The following ACAD9 variants were observed in gnomAD, a reference collection of about 807,000 sequenced individuals.
The protein encoded by ACAD9 is acyl-CoA dehydrogenase family member 9, also known as complex I assembly factor ACAD9, mitochondrial.
Under a neutral mutation model 70.2 loss-of-function variants are expected in ACAD9, and 53 were observed. That is an observed-to-expected ratio of 0.75 (90% CI 0.61 to 0.95). The LOEUF (loss-of-function observed/expected upper bound fraction) is 0.95. Ranked by LOEUF, ACAD9 falls within the 40% of genes least tolerant of loss-of-function variation. The pLI, the probability that ACAD9 is intolerant of heterozygous loss-of-function variation, is 0.00. For missense variants in ACAD9, 777 were observed against 802.8 expected, an observed-to-expected ratio of 0.97 and a Z score of 0.39; for synonymous variants, 313 against 312.1, an observed-to-expected ratio of 1.00 and a Z score of -0.03.
Position 128,902,549 on chromosome 3 carries a change from G to T in ACAD9, c.883-4G>T. The T allele has an allele frequency of 6.2e-7, 1 of 1,614,128 alleles. No individual in the cohort carries two copies. The highest frequency in any genetic ancestry group is 8.5e-7 in the Non-Finnish European group (1 of 1,179,974). On this transcript the variant is annotated splice_region_variant and splice_polypyrimidine_tract_variant and intron_variant, in intron 8 of 17. Coordinates refer to ENST00000308982, the MANE Select transcript of ACAD9 (RefSeq NM_014049.5). The surrounding 1 kb of genome is among the most constrained non-coding windows in gnomAD (Gnocchi z 4.0). ...CCCCTGGGCTCTCCCTGTTCTCCCT[G>T]CAGGTGGCCATGAACATCCTCAACA...
In ACAD9 at chr3:128,912,612, G is replaced by A; in HGVS notation, c.*5G>A. The A allele has an allele frequency of 6.2e-7, 1 of 1,613,226 alleles. No homozygotes were observed. Among genetic ancestry groups the A allele is most frequent in the Non-Finnish European group, 8.5e-7 (1 of 1,179,178 alleles). The stretch of plus-strand genomic sequence containing the variant: ...CCTCTGGACAGGACATGCTGAGGCA[G>A]GGGACAGTGTCCCCTGCTACCGCCC... On this transcript the variant is annotated 3_prime_UTR_variant, in exon 18 of 18. Coordinates refer to ENST00000308982, the MANE Select transcript of ACAD9 (RefSeq NM_014049.5).
chr3:128,911,564 A>C (rs1375163524), intron 17 of ACAD9, among the ~76,000 whole-genome samples: 10 of 152,006 alleles, frequency 6.6e-5, no homozygotes, highest in Non-Finnish European at 8.8e-5. Flanking sequence ...CAGCCTCCTG[A>C]GTAGTTGGGA....
Position 128,896,477 on chromosome 3 carries a change from C to T in ACAD9, c.495C>T (p.Tyr165=), listed in dbSNP as rs769590592. The change falls in exon 5 of 18, where the codon TAC becomes TAT. Residue 165 remains tyrosine, a synonymous_variant. Coordinates refer to ENST00000308982, the MANE Select transcript of ACAD9 (RefSeq NM_014049.5). ...LAGTEEQKAK[Y]LPKLASGEHI... is the part of the protein sequence containing the mutation. The stretch of plus-strand genomic sequence containing the variant: ...GCACTGAGGAGCAGAAAGCCAAATA[C>T]TTGCCTAAACTGGCGTCCGGGGAGC... The T allele has an allele frequency of 5.0e-6, 8 of 1,614,102 alleles. No homozygotes were observed.
chr3:128,893,235 A>G (rs372222929), intron 2 of ACAD9, among the ~76,000 whole-genome samples: 27 of 151,524 alleles, frequency 1.8e-4, no homozygotes, highest in African/African-American at 6.3e-4. Context: ...CTGTAGTCCC[A>G]GCTTCTCATG....
Position 128,902,609 on chromosome 3 carries a change from G to A in ACAD9, c.939G>A (p.Gly313=). Reference sequence around the variant, plus strand: ...TCAGCATGGGCAGCGTCGTGGCTGGGCTGCTCAAGAGATTGATTGGTAGGT... The same window carrying A: ...TCAGCATGGGCAGCGTCGTGGCTGGACTGCTCAAGAGATTGATTGGTAGGT... The part of the protein sequence containing the change: ...GRFSMGSVVA[G]LLKRLIEMTA... The change falls in exon 9 of 18, where the codon GGG becomes GGA. Residue 313 remains glycine (G), a synonymous_variant. Coordinates refer to ENST00000308982, the MANE Select transcript of ACAD9 (RefSeq NM_014049.5). This position sits in a 1 kb window ranked among gnomAD's most constrained non-coding sequence, Gnocchi z 4.0. 6.2e-7 allele frequency: 1 copy of A among 1,614,174 alleles called. No individual in the cohort carries two copies. The highest frequency in any genetic ancestry group is 8.5e-7 in the Non-Finnish European group (1 of 1,180,018).
rs992403988 is a variant in ACAD9 at position 128,900,269 on chromosome 3, G to A, written c.808+808G>A. ...TTTGTTTTTTTTGAGACGGAGTCTC[G>A]CTCTGTCGCCCAGGCTGGAGTGCAG... On this transcript the variant is annotated intron_variant, in intron 7 of 17. Transcript: ENST00000308982. 5.3e-5 allele frequency among the ~76,000 whole-genome samples: 8 copies of A among 151,564 alleles called. No individual in the cohort carries two copies. In the South Asian group the frequency reaches 6.2e-4, roughly 12 times the overall value.
chr3:128,912,258 C>T (rs543634494), intron 17 of ACAD9, among the ~76,000 whole-genome samples: 7 of 152,124 alleles, frequency 4.6e-5, no homozygotes, highest in Non-Finnish European at 7.4e-5. Flanking sequence ...GAGCAAGTGC[C>T]GGCTCCACCC....
At chr3:128,880,165 G>A in intron 1 of ACAD9, 1 of 629,806 alleles carries the variant, frequency 1.6e-6, no homozygotes, top group Non-Finnish European at 2.4e-6. Flanking sequence ...AATGTGCGGG[G>A]CTTCCTCTCT....
intron 2 of ACAD9, among the ~76,000 whole-genome samples, chr3:128,891,849 G>A (rs151083277): frequency 8.8e-4 from 134 of 152,230 alleles, no homozygotes; most frequent in African/African-American, 3.1e-3. Flanking sequence ...TATTTATGTA[G>A]TTTTTTGCAC....
chr3:128,902,516 C>T lies in ACAD9; in HGVS notation c.883-37C>T. The stretch of plus-strand genomic sequence containing the variant: ...CGTTGCGGCCTCCTCCCTCTGCCTC[C>T]TTCAGGGCCCCTGGGCTCTCCCTGT... On this transcript the variant is annotated intron_variant, in intron 8 of 17. Transcript: ENST00000308982. This position sits in a 1 kb window ranked among gnomAD's most constrained non-coding sequence, Gnocchi z 4.0. 4 of 1,613,158 alleles carry T rather than the reference C, an allele frequency of 2.5e-6. No homozygotes were observed. Among genetic ancestry groups the T allele is most frequent in the Non-Finnish European group, 3.4e-6 (4 of 1,179,066 alleles).
At chr3:128,901,238 G>A in intron 7 of ACAD9, 38 bp from the exon 8 acceptor site, 1 of 1,595,726 alleles carries the variant, frequency 6.3e-7, no homozygotes. Flanking sequence ...AGAGTGGTTT[G>A]CATTGTCAGA....
intron 1 of ACAD9, among the ~76,000 whole-genome samples, chr3:128,881,920 G>C (rs866752376): frequency 6.6e-6 from 1 of 152,176 alleles, no homozygotes; most frequent in African/African-American, 2.4e-5. Context: ...GCCATCTGCT[G>C]GGTGACCTTA....
chr3:128,907,339 A>G (rs1398914394), intron 12 of ACAD9, among the ~76,000 whole-genome samples: 1 of 152,140 alleles, frequency 6.6e-6, no homozygotes, highest in Non-Finnish European at 1.5e-5. Flanking sequence ...GAGTGGTCTC[A>G]GCCCTGCAAA....
chr3:128,910,682 A>C, intron 16 of ACAD9, 59 bp from the exon 17 acceptor site: 1 of 1,595,634 alleles, frequency 6.3e-7, no homozygotes, highest in South Asian at 1.1e-5. Context: ...GGGTTTTTGA[A>C]GCTCAGAGGT....
At chr3:128,894,872 A>G (rs1386183970) in intron 3 of ACAD9, among the ~76,000 whole-genome samples, 1 of 105,410 alleles carries the variant, frequency 9.5e-6, no homozygotes, top group Non-Finnish European at 1.8e-5. Context: ...CTGTATTGTG[A>G]TTTTTTTTTT....
At chr3:128,897,390 C>G (rs2107652102) in intron 5 of ACAD9, among the ~76,000 whole-genome samples, 1 of 152,254 alleles carries the variant, frequency 6.6e-6, no homozygotes, top group Admixed American at 6.5e-5. Context: ...CCATGTTGGC[C>G]AGATCTCAAT....
In ACAD9 at chr3:128,909,329, T is replaced by G. The variant is rs1470686433; in HGVS notation, c.1486-15T>G. The G allele has an allele frequency of 6.2e-7, 1 of 1,614,010 alleles. No individual in the cohort carries two copies. Among genetic ancestry groups the G allele is most frequent in the African/African-American group, 1.3e-5 (1 of 74,950 alleles). On this transcript the variant is annotated splice_polypyrimidine_tract_variant and intron_variant, in intron 14 of 17. Coordinates refer to ENST00000308982, the MANE Select transcript of ACAD9 (RefSeq NM_014049.5). ...AGGGATGAGGTGCTGAACTGAGTCC[T>G]GTCTTGGTTAATAGGACAGTGCCAA...
chr3:128,908,958 A>G lies in ACAD9; in HGVS notation c.1359-15A>G, dbSNP rs374972986. 32 of 1,614,042 alleles carry G rather than the reference A, an allele frequency of 2.0e-5. No individual in the cohort carries two copies. The East Asian group carries it at 2.2e-4, about 11-fold the overall frequency. ...CAGCGAGGCCTCCAGTCACAGGACCATGGACTTTCTGCAGTGAGCTTAAAC... is the reference window on the plus strand; with the variant it reads ...CAGCGAGGCCTCCAGTCACAGGACCGTGGACTTTCTGCAGTGAGCTTAAAC... On this transcript the variant is annotated splice_polypyrimidine_tract_variant and intron_variant, in intron 13 of 17. Transcript: ENST00000308982.
At chr3:128,908,126 G>A (rs1459052814) in intron 12 of ACAD9, 59 bp from the exon 13 acceptor site, 3 of 1,528,178 alleles carry the variant, frequency 2.0e-6, no homozygotes, top group Non-Finnish European at 2.7e-6. Flanking sequence ...AGCACACGTG[G>A]CACTACCATG....
Sources: gnomAD v4.1 joint callset for allele counts (sites outside exome capture counted in the v4.1 genomes callset) on GRCh38, gnomAD v4.1.1 for gene constraint, Gnocchi (gnomAD v3.1) non-coding constraint, MANE v1.5 for transcripts, NCBI Gene and HGNC (gene_info 2026-07-23, HGNC 2026-07-21) for gene names.